RPL11: variants seen among roughly 807,000 people sequenced by gnomAD.
RPL11 encodes large ribosomal subunit protein uL5.
A neutral mutation model predicts 24.1 loss-of-function variants in RPL11; 3 were observed. The ratio of observed to expected loss-of-function variants is 0.12; its 90% confidence interval spans 0.06 to 0.32. The LOEUF is 0.32. Ranked by LOEUF, RPL11 falls within the 10% of genes least tolerant of loss-of-function variation. The pLI is 1.00. For missense variants in RPL11, 146 were observed against 225.7 expected, an observed-to-expected ratio of 0.65 and a Z score of 2.26; for synonymous variants, 96 against 75.7, an observed-to-expected ratio of 1.27 and a Z score of -1.39.
Position 23,693,878 on chromosome 1 carries a change from G to T in RPL11, c.229G>T (p.Ala77Ser), listed in dbSNP as rs1283483226. 2 of 1,614,142 alleles carry T rather than the reference G, an allele frequency of 1.2e-6. No individual in the cohort carries two copies. Among genetic ancestry groups the T allele is most frequent in the South Asian group, 2.2e-5 (2 of 91,088 alleles). ...KIAVHCTVRG[A>S]KAEEILEKGL... ...TGCTGTCCACTGCACAGTTCGAGGGGCCAAGGCAGAAGAAATCTTGGAGAA... is the reference window on the plus strand; with the variant it reads ...TGCTGTCCACTGCACAGTTCGAGGGTCCAAGGCAGAAGAAATCTTGGAGAA... Residue 77 changes from alanine to serine, a missense_variant, in exon 3 of 6, where the codon GCC becomes TCC. Transcript: ENST00000643754.
Position 23,692,039 on chromosome 1 carries a change from G to T in RPL11, c.6+210G>T, listed in dbSNP as rs1644503113. 16 of 672,106 alleles carry T rather than the reference G, an allele frequency of 2.4e-5. 1 individual carries two copies. The highest frequency in any genetic ancestry group is 1.6e-4 in the South Asian group (9 of 54,778). The allele number at this position is 672,106 out of a possible 1,614,324, so 41.6% of individuals were successfully genotyped here. A position where few individuals can be genotyped will look rare whatever the true frequency, so the allele number is the denominator to read the frequency against. On this transcript the variant is annotated intron_variant, in intron 1 of 5. Transcript: ENST00000643754. ...GTTTTAGGAGCGGCTCCGGGCACTT[G>T]CCCGGAGTGCTCAGAAGCACGGTCA...
intron 4 of RPL11, 79 bp downstream of exon 4, chr1:23,694,870 T>C (rs1294041559): frequency 1.9e-6 from 3 of 1,599,200 alleles, no homozygotes; most frequent in Non-Finnish European, 2.6e-6. Flanking sequence ...ATGTTGGTGT[T>C]CACATGTTGA....
chr1:23,692,158 G>A (rs753364547), intron 1 of RPL11: 21 of 515,606 alleles, frequency 4.1e-5, no homozygotes, highest in Non-Finnish European at 6.6e-5. Context: ...AGACTTGCTC[G>A]GTGCTAGGAA....
rs1166447950 is a variant in RPL11 at position 23,693,795 on chromosome 1, C to G, written c.158-12C>G. The G allele has an allele frequency of 6.2e-7, 1 of 1,606,778 alleles. No individual in the cohort carries two copies. The highest frequency in any genetic ancestry group is 1.1e-5 in the South Asian group (1 of 90,898). ...TGATGGCATCTGACTCCTTGTTACC[C>G]ACTTCCTGCAGCTAGATACACTGTC... On this transcript the variant is annotated splice_polypyrimidine_tract_variant and intron_variant, in intron 2 of 5. Transcript: ENST00000643754.
chr1:23,696,361 TC>T lies in RPL11; in HGVS notation c.527del (p.Pro176LeufsTer18). 1 of 1,614,080 alleles carries T rather than the reference TC, an allele frequency of 6.2e-7. No homozygotes were observed. The highest frequency in any genetic ancestry group is 8.5e-7 in the Non-Finnish European group (1 of 1,179,940). ...FQQKYDGIILPGK is the reference protein window; with the variant it reads ...FQQKYDGIILXGK Reference sequence around the variant, plus strand: ...TCTTTCAGTATGATGGGATCATCCTTCCTGGCAAATAAATTCCCGTTTCTAT... The same window carrying T: ...TCTTTCAGTATGATGGGATCATCCTTCTGGCAAATAAATTCCCGTTTCTAT... On this transcript the variant is annotated frameshift_variant, in exon 6 of 6. Transcript: ENST00000643754. LOFTEE classifies it high-confidence loss of function.
chr1:23,695,679 C>G, intron 4 of RPL11, 119 bp from the exon 5 acceptor site: 1 of 907,716 alleles, frequency 1.1e-6, no homozygotes, highest in Non-Finnish European at 1.8e-6. Flanking sequence ...ATGGGTCTTG[C>G]TCCAGAATCC....
intron 4 of RPL11, chr1:23,695,410 T>C: frequency 3.4e-6 from 1 of 297,734 alleles, no homozygotes; most frequent in South Asian, 3.4e-5. Context: ...ATTTTTGAGC[T>C]GAAGCAGAAG....
chr1:23,694,765 G>A lies in RPL11; in HGVS notation c.370G>A (p.Gly124Ser). ...DLGIKYDPSI[G>S]IYGLDFYVVL... is the part of the protein sequence containing the mutation. Reference sequence around the variant, plus strand: ...GGGTATCAAATATGACCCAAGCATTGGTATCTACGGCCTGGACTTCTATGT... The same window carrying A: ...GGGTATCAAATATGACCCAAGCATTAGTATCTACGGCCTGGACTTCTATGT... Residue 124 changes from glycine (G) to serine (S), a missense_variant, in exon 4 of 6, where the codon GGT becomes AGT. Physicochemically the swap from Gly to Ser is moderately conservative, Grantham distance 56. Transcript: ENST00000643754. 6.2e-7 allele frequency: 1 copy of A among 1,614,184 alleles called. No homozygotes were observed. The highest frequency in any genetic ancestry group is 8.5e-7 in the Non-Finnish European group (1 of 1,180,034).
In RPL11 at chr1:23,693,664, GAC is replaced by G. The variant is rs554452404; in HGVS notation, c.158-140_158-139del. 3.9e-4 allele frequency: 263 copies of G among 682,458 alleles called. 1 individual carries two copies. In the African/African-American group the frequency reaches 4.2e-3, roughly 11 times the overall value. 42.3% of individuals were successfully genotyped at this position (682,458 alleles called of 1,614,324 possible). ...TGAAATCTTATTAATAGATGTGGGA[GAC>G]ACTAATTAGAACACCACAACTTAAA... On this transcript the variant is annotated intron_variant, in intron 2 of 5. Transcript: ENST00000643754.
Position 23,691,850 on chromosome 1 carries a change from T to C in RPL11, c.6+21T>C. The C allele has an allele frequency of 3.1e-6, 5 of 1,614,202 alleles. No homozygotes were observed. In the South Asian group the frequency reaches 5.5e-5, roughly 18 times the overall value. On this transcript the variant is annotated intron_variant, in intron 1 of 5. Transcript: ENST00000643754. ...TGGCGGTGAGTAGCTGGGACCTGGA[T>C]TTGCTTTCCTTTATCCGTCGCCATC...
At chr1:23,691,931 C>T in intron 1 of RPL11, 102 bp downstream of exon 1, 1 of 1,474,462 alleles carries the variant, frequency 6.8e-7, no homozygotes, top group Admixed American at 1.7e-5. Flanking sequence ...GAATATGGAG[C>T]CCGCAATGCC....
chr1:23,693,113 G>A (rs111567692), intron 2 of RPL11, among the ~76,000 whole-genome samples: 1 of 152,178 alleles, frequency 6.6e-6, no homozygotes, highest in African/African-American at 2.4e-5. Flanking sequence ...CTGTACGGGA[G>A]CATGAGGCTT....
intron 3 of RPL11, 128 bp downstream of exon 3, chr1:23,694,041 T>A: frequency 3.9e-6 from 3 of 774,802 alleles, no homozygotes; most frequent in Non-Finnish European, 6.6e-6. Flanking sequence ...TAAAAGGCTT[T>A]TTCTACAATC....
Position 23,696,533 on chromosome 1 carries a change from A to G in RPL11, c.*160A>G, listed in dbSNP as rs1002622139. ...CTGGTAACAACCCCGTCATCCTCTG[A>G]TTGGATGCCAGTATTTCCTGGCAGA... On this transcript the variant is annotated 3_prime_UTR_variant, in exon 6 of 6. Coordinates refer to ENST00000643754, the MANE Select transcript of RPL11 (RefSeq NM_000975.5). 5.7e-6 allele frequency: 4 copies of G among 707,374 alleles called. No individual in the cohort carries two copies. The highest frequency in any genetic ancestry group is 1.0e-5 in the Non-Finnish European group (4 of 394,538). 43.8% of individuals were successfully genotyped at this position (707,374 alleles called of 1,614,324 possible). A position where few individuals can be genotyped will look rare whatever the true frequency, so the allele number is the denominator to read the frequency against.
chr1:23,692,371 C>CT (rs1644505948), intron 1 of RPL11: 1 of 526,460 alleles, frequency 1.9e-6, no homozygotes, highest in African/African-American at 1.9e-5. Flanking sequence ...GTGTCCGTAT[C>CT]TTTTAACACT....
chr1:23,695,988 G>A (rs1644530766), intron 5 of RPL11, 80 bp downstream of exon 5: 3 of 1,312,398 alleles, frequency 2.3e-6, no homozygotes, highest in Middle Eastern at 1.8e-4. Context: ...GCAAAATATA[G>A]TACTATTTGC....
chr1:23,692,378 C>T lies in RPL11; in HGVS notation c.7-231C>T, dbSNP rs2280438. On this transcript the variant is annotated intron_variant, in intron 1 of 5. Coordinates refer to ENST00000643754, the MANE Select transcript of RPL11 (RefSeq NM_000975.5). ...CGATCTCAGTGTCCGTATCTTTTAA[C>T]ACTCAATAACTGTCCTGAGTTTTCT... 3.1e-3 allele frequency: 1,640 copies of T among 534,690 alleles called. 28 individuals carry two copies. In the Admixed American group the frequency reaches 0.031, roughly 10 times the overall value. 33.1% of individuals were successfully genotyped at this position (534,690 alleles called of 1,614,324 possible). A position where few individuals can be genotyped will look rare whatever the true frequency, so the allele number is the denominator to read the frequency against.
intron 1 of RPL11, chr1:23,692,216 C>G (rs182085428): frequency 2.8e-5 from 12 of 435,244 alleles, no homozygotes; most frequent in East Asian, 2.4e-4. Flanking sequence ...CTTTAGACAG[C>G]TTCCGAATAG....
intron 2 of RPL11, 68 bp downstream of exon 2, chr1:23,692,827 C>T (rs1359656667): frequency 9.4e-6 from 15 of 1,593,314 alleles, no homozygotes; most frequent in Non-Finnish European, 1.3e-5. Context: ...GATTTACCTG[C>T]TGTCGAGTCT....
Sources: gnomAD v4.1 joint callset for allele counts (sites outside exome capture counted in the v4.1 genomes callset) on GRCh38, gnomAD v4.1.1 for gene constraint, MANE v1.5 for transcripts, NCBI Gene and HGNC (gene_info 2026-07-23, HGNC 2026-07-21) for gene names.